PTK2: variants seen among roughly 807,000 people sequenced by gnomAD.
PTK2 encodes the protein focal adhesion kinase 1.
Under a neutral mutation model 150.1 loss-of-function variants are expected in PTK2, and 45 were observed. The ratio of observed to expected loss-of-function variants is 0.30; its 90% CI spans 0.24 to 0.38. The LOEUF (loss-of-function observed/expected upper bound fraction) is 0.38, where lower values mean the gene tolerates loss of function less well. PTK2 is among the 10% of genes least tolerant of loss of function. The pLI is 1.00. For missense variants in PTK2, 919 were observed against 1,307.3 expected, an observed-to-expected ratio of 0.70 and a Z score of 4.58; for synonymous variants, 432 against 449.2, an observed-to-expected ratio of 0.96 and a Z score of 0.48.
upstream of PTK2, chr8:141,001,240 C>G (rs1247504188): frequency 2.1e-5 from 3 of 144,050 alleles, no homozygotes; most frequent in Non-Finnish European, 3.0e-5. Context: ...GGTCCGGGAC[C>G]GGCGGCGGCG....
intron 1 of PTK2, among the ~76,000 whole-genome samples, chr8:140,951,363 C>T (rs906723395): frequency 1.3e-5 from 2 of 152,114 alleles, no homozygotes; most frequent in Non-Finnish European, 2.9e-5. Flanking sequence ...AACGGACTTA[C>T]GAAGGGGAAC....
Position 140,808,017 on chromosome 8 carries a change from G to A in PTK2, c.868-4367C>T, listed in dbSNP as rs369722528. 1.1e-4 allele frequency among the ~76,000 whole-genome samples: 16 copies of A among 152,150 alleles called. No individual in the cohort carries two copies. The East Asian group carries it at 2.5e-3, about 24-fold the overall frequency. ...GTTGAAGCAGGTTGAAGAGGGAGTG[G>A]GAAGAATTAAAGACAATGCAGTTAG... On this transcript the variant is annotated intron_variant, in intron 10 of 31. Coordinates refer to ENST00000522684, the Ensembl canonical transcript of PTK2.
At position 140,681,167 on chromosome 8, in the gene PTK2, C is replaced by T. The variant is rs530421989; in HGVS notation, c.2562+5465G>A. Among the ~76,000 whole-genome samples the T allele has an allele frequency of 8.6e-5, 13 of 150,382 alleles. No homozygotes were observed. The South Asian group carries it at 2.3e-3, about 27-fold the overall frequency. ...ATCACTGGAGGTCAGGAGTTCAAGA[C>T]GAGCCTGGCCAACATGGTGAAACCC... On this transcript the variant is annotated intron_variant, in intron 27 of 31. Coordinates refer to ENST00000522684, the Ensembl canonical transcript of PTK2.
At chr8:140,943,542 T>A (rs992660416) in intron 1 of PTK2, among the ~76,000 whole-genome samples, 3 of 142,360 alleles carry the variant, frequency 2.1e-5, no homozygotes, top group African/African-American at 6.2e-5. Flanking sequence ...AATGTTCACA[T>A]AGAGGTCATT....
At chr8:140,943,203 G>A (rs1394000483) in intron 1 of PTK2, among the ~76,000 whole-genome samples, 1 of 152,124 alleles carries the variant, frequency 6.6e-6, no homozygotes, top group Non-Finnish European at 1.5e-5. Context: ...TGAAGACACA[G>A]ACTATTTCCA....
In PTK2 at chr8:140,893,864, A is replaced by C. The variant is rs6578141; in HGVS notation, c.-32-3095T>G. Among the ~76,000 whole-genome samples, 32 of 152,226 alleles carry C rather than the reference A, an allele frequency of 2.1e-4. No homozygotes were observed. In the South Asian group the frequency reaches 2.3e-3, roughly 11 times the overall value. Reference sequence around the variant, plus strand: ...AAAAAGGTCATAGCAGTACCCTGTCATTTGGTAAGGATGTGGGGAAACAGA... The same window carrying C: ...AAAAAGGTCATAGCAGTACCCTGTCCTTTGGTAAGGATGTGGGGAAACAGA... On this transcript the variant is annotated intron_variant, in intron 2 of 31. Transcript: ENST00000522684.
At chr8:140,676,305 G>A (rs920114521) in intron 27 of PTK2, among the ~76,000 whole-genome samples, 1 of 152,078 alleles carries the variant, frequency 6.6e-6, no homozygotes, top group Non-Finnish European at 1.5e-5. Context: ...GAACCCAGGA[G>A]GCAGAGGTTG....
intron 29 of PTK2, 85 bp from the exon 34 acceptor site, chr8:140,668,509 A>C: frequency 7.0e-7 from 1 of 1,438,722 alleles, no homozygotes; most frequent in Non-Finnish European, 9.4e-7. Context: ...GGTCTTTACA[A>C]GAGATCAAAG....
chr8:140,716,919 G>C (rs1195933393), intron 23 of PTK2, among the ~76,000 whole-genome samples: 1 of 152,134 alleles, frequency 6.6e-6, no homozygotes, highest in Non-Finnish European at 1.5e-5. Flanking sequence ...TATTAATCTA[G>C]GGCAAGTGTT....
intron 1 of PTK2, among the ~76,000 whole-genome samples, chr8:140,961,618 C>T (rs1220824910): frequency 6.6e-6 from 1 of 151,008 alleles, no homozygotes; most frequent in Non-Finnish European, 1.5e-5. Flanking sequence ...GCCAAGGTCG[C>T]GCCACTGGTC....
At chr8:140,829,855 C>T (rs2100114254) in intron 8 of PTK2, among the ~76,000 whole-genome samples, 1 of 152,136 alleles carries the variant, frequency 6.6e-6, no homozygotes, top group South Asian at 2.1e-4. Flanking sequence ...TCTGCCTTAA[C>T]CCTAAAGTTT....
chr8:140,675,539 A>T (rs1459267791), intron 27 of PTK2, 40 bp from the exon 31 acceptor site: 1 of 1,507,174 alleles, frequency 6.6e-7, no homozygotes, highest in African/African-American at 1.4e-5. Context: ...ACTGGTATAT[A>T]CACTTGGGCA....
At chr8:140,794,901 G>A (rs1360873321) in intron 12 of PTK2, among the ~76,000 whole-genome samples, 1 of 152,182 alleles carries the variant, frequency 6.6e-6, no homozygotes, top group Non-Finnish European at 1.5e-5. Context: ...CCCTCTGGAT[G>A]TCTGAAGGTT....
chr8:140,679,017 T>G (rs1191679136), intron 27 of PTK2, among the ~76,000 whole-genome samples: 39 of 32,552 alleles, frequency 1.2e-3, no homozygotes, highest in African/African-American at 3.0e-3. Flanking sequence ...TTTTTTTTTT[T>G]TTTTTTTTTT....
intron 29 of PTK2, among the ~76,000 whole-genome samples, chr8:140,671,232 G>A (rs1390493344): frequency 1.3e-5 from 2 of 152,020 alleles, no homozygotes; most frequent in African/African-American, 4.8e-5. Flanking sequence ...TTTAGTATTA[G>A]TTTTTTTTAG....
Position 140,740,422 on chromosome 8 carries a change from C to T in PTK2, c.1736-1315G>A, listed in dbSNP as rs142761120. Among the ~76,000 whole-genome samples the T allele has an allele frequency of 3.3e-5, 5 of 152,318 alleles. No individual in the cohort carries two copies. The East Asian group carries it at 9.6e-4, about 29-fold the overall frequency. On this transcript the variant is annotated intron_variant, in intron 20 of 31. Transcript: ENST00000522684. ...TCAGAAGAGCATGGAGCATGAGCGG[C>T]TGGGCTCTGCCAGCATGTCAAGGGT...
At chr8:140,738,069 A>G (rs570587181) in intron 21 of PTK2, among the ~76,000 whole-genome samples, 1 of 152,368 alleles carries the variant, frequency 6.6e-6, no homozygotes, top group South Asian at 2.1e-4. Context: ...TAGGAGAAAA[A>G]AGGTACATAA....
At chr8:140,725,429 T>C (rs1012825684) in intron 22 of PTK2, among the ~76,000 whole-genome samples, 3 of 152,184 alleles carry the variant, frequency 2.0e-5, no homozygotes, top group Admixed American at 6.5e-5. Flanking sequence ...AGAGCAACCA[T>C]AGGCAGCCAG....
chr8:140,731,381 A>G (rs968889201), intron 22 of PTK2, among the ~76,000 whole-genome samples: 6 of 152,156 alleles, frequency 3.9e-5, no homozygotes, highest in Non-Finnish European at 5.9e-5. Flanking sequence ...AAGTATTCCT[A>G]TTGAGGAATT....
Sources: gnomAD v4.1 joint callset for allele counts (sites outside exome capture counted in the v4.1 genomes callset) on GRCh38, gnomAD v4.1.1 for gene constraint, MANE v1.5 for transcripts, NCBI Gene and HGNC (gene_info 2026-07-23, HGNC 2026-07-21) for gene names.